The following NSD1 variants were observed in gnomAD, a reference collection of about 807,000 sequenced individuals.
NSD1 encodes the protein histone-lysine N-methyltransferase, H3 lysine-36 specific.
NSD1 carries 26 observed loss-of-function variants against 242.7 expected under a neutral mutation model. That is an observed-to-expected ratio of 0.11 (90% CI 0.08 to 0.15). The LOEUF is 0.15. NSD1 is among the 10% of genes least tolerant of loss of function. NSD1 has a pLI of 1.00. For missense variants in NSD1, 2,495 were observed against 3,272.8 expected, an observed-to-expected ratio of 0.76 and a Z score of 5.80; for synonymous variants, 1,106 against 1,178.1, an observed-to-expected ratio of 0.94 and a Z score of 1.25.
intron 2 of NSD1, among the ~76,000 whole-genome samples, chr5:177,154,726 C>T (rs1264376172): frequency 1.3e-5 from 2 of 152,052 alleles, no homozygotes; most frequent in African/African-American, 2.4e-5. Context: ...GACAGAGTCT[C>T]CCTCTGTCGC....
At chr5:177,226,128 C>G (rs1051706723) in intron 5 of NSD1, among the ~76,000 whole-genome samples, 9 of 152,138 alleles carry the variant, frequency 5.9e-5, no homozygotes, top group African/African-American at 1.9e-4. Context: ...CTCACTGCAA[C>G]CTTTGCCTCC....
At chr5:177,265,267 T>A in intron 14 of NSD1, 1 of 701,062 alleles carries the variant, frequency 1.4e-6, no homozygotes, top group Non-Finnish European at 2.5e-6. Flanking sequence ...ATAAAAGACC[T>A]CTGGACTGTT....
chr5:177,285,857 A>G (rs551104568), intron 20 of NSD1, among the ~76,000 whole-genome samples: 6 of 152,182 alleles, frequency 3.9e-5, no homozygotes, highest in South Asian at 2.1e-4. Context: ...AATTAGAATG[A>G]TATTTGTTCA....
intron 8 of NSD1, among the ~76,000 whole-genome samples, chr5:177,241,953 C>A (rs1375096950): frequency 2.0e-5 from 3 of 152,114 alleles, no homozygotes; most frequent in Non-Finnish European, 2.9e-5. Context: ...TAATGTATAT[C>A]CACACTAGAC....
At chr5:177,252,797 C>T (rs6879055) in intron 12 of NSD1, among the ~76,000 whole-genome samples, 124,040 of 144,532 alleles carry the variant, frequency 0.86, 53,604 homozygotes, top group Middle Eastern at 0.92. Flanking sequence ...CTCTCTCTCC[C>T]TTTTTTTTTT....
intron 4 of NSD1, 68 bp downstream of exon 4, chr5:177,204,360 T>A: frequency 4.2e-6 from 6 of 1,434,748 alleles, no homozygotes; most frequent in Non-Finnish European, 5.8e-6. Context: ...AAATGGCCTC[T>A]TATTTATTTT....
At chr5:177,137,870 G>A (rs764503654) in intron 2 of NSD1, among the ~76,000 whole-genome samples, 6 of 152,046 alleles carry the variant, frequency 3.9e-5, no homozygotes, top group Non-Finnish European at 5.9e-5. Flanking sequence ...GATCACCTGA[G>A]GTCAGGAGTT....
At chr5:177,246,585 G>A in intron 9 of NSD1, 93 bp from the exon 10 acceptor site, 1 of 853,066 alleles carries the variant, frequency 1.2e-6, no homozygotes, top group South Asian at 1.3e-5. Context: ...AATTAAATGA[G>A]TTTTAAGGTT....
intron 2 of NSD1, among the ~76,000 whole-genome samples, chr5:177,150,774 T>G (rs1757637670): frequency 6.6e-6 from 1 of 152,178 alleles, no homozygotes; most frequent in African/African-American, 2.4e-5. Context: ...AGGCTATATT[T>G]CCTGTGTTAT....
In NSD1 at chr5:177,298,889, T is replaced by G; in HGVS notation, c.*3430T>G. 4.3e-6 allele frequency: 1 copy of G among 233,184 alleles called. No homozygotes were observed. Among genetic ancestry groups the G allele is most frequent in the Non-Finnish European group, 8.5e-6 (1 of 117,970 alleles). 14.4% of individuals were successfully genotyped at this position (233,184 alleles called of 1,614,324 possible). A position where few individuals can be genotyped will look rare whatever the true frequency, so the allele number is the denominator to read the frequency against. The stretch of plus-strand genomic sequence containing the variant: ...GTGGATTTTACTAAGGTTTTTTAAA[T>G]GATACTGTCATCCTCTTGGGGTTTA... On this transcript the variant is annotated 3_prime_UTR_variant, in exon 23 of 23. Coordinates refer to ENST00000439151, the MANE Select transcript of NSD1 (RefSeq NM_022455.5).
upstream of NSD1, among the ~76,000 whole-genome samples, chr5:177,132,744 A>T (rs1755961778): frequency 6.9e-6 from 1 of 144,890 alleles, no homozygotes; most frequent in Non-Finnish European, 1.5e-5. This position sits in a 1 kb window ranked among gnomAD's most constrained non-coding sequence, Gnocchi z 7.5. Context: ...GGGGCGGGTA[A>T]CCCGACCCGG....
rs144192119 is a variant in NSD1 at position 177,281,401 on chromosome 5, A to G, written c.5892+567A>G. Among the ~76,000 whole-genome samples, 676 of 150,824 alleles carry G rather than the reference A, an allele frequency of 4.5e-3. 7 individuals are homozygous for G. Among genetic ancestry groups the G allele is most frequent in the African/African-American group, 0.016 (644 of 41,074 alleles). ...TTTCTGAAGAATTTTATTGGTTTCCAGGAAATGTAGTGTATATGGGTTGGC... is the reference window on the plus strand; with the variant it reads ...TTTCTGAAGAATTTTATTGGTTTCCGGGAAATGTAGTGTATATGGGTTGGC... On this transcript the variant is annotated intron_variant, in intron 18 of 22. Transcript: ENST00000439151.
intron 5 of NSD1, among the ~76,000 whole-genome samples, chr5:177,235,237 T>C (rs956615063): frequency 6.6e-6 from 1 of 152,222 alleles, no homozygotes; most frequent in East Asian, 1.9e-4. Flanking sequence ...TACACAAACT[T>C]TGTATAATGT....
At chr5:177,261,291 G>A (rs1756984037) in intron 14 of NSD1, among the ~76,000 whole-genome samples, 1 of 144,172 alleles carries the variant, frequency 6.9e-6, no homozygotes, top group Admixed American at 7.2e-5. Context: ...TGTTGGCCAG[G>A]CTGGTCTCTT....
At chr5:177,196,859 T>C (rs904127553) in intron 3 of NSD1, among the ~76,000 whole-genome samples, 2 of 152,192 alleles carry the variant, frequency 1.3e-5, no homozygotes, top group Admixed American at 6.5e-5. Context: ...CAGTAGTATG[T>C]ACTGGGGATA....
In NSD1 at chr5:177,178,052, G is replaced by A. The variant is rs138388484; in HGVS notation, c.928-13832G>A. Among the ~76,000 whole-genome samples the A allele has an allele frequency of 5.7e-3, 867 of 151,982 alleles. 11 individuals carry two copies. Among genetic ancestry groups the A allele is most frequent in the African/African-American group, 0.02 (822 of 41,456 alleles). On this transcript the variant is annotated intron_variant, in intron 2 of 22. Transcript: ENST00000439151. ...TGGAACTACAGGCATGCGCTGCCAC[G>A]CCTGGCTAATTTTTTTGTATTTTTA...
At chr5:177,291,015 C>T (rs1006743757) in intron 21 of NSD1, among the ~76,000 whole-genome samples, 3 of 152,134 alleles carry the variant, frequency 2.0e-5, no homozygotes, top group Admixed American at 6.5e-5. Context: ...AGATACTGGT[C>T]TGTCAGAATA....
intron 5 of NSD1, among the ~76,000 whole-genome samples, chr5:177,223,239 G>A (rs1232174159): frequency 4.6e-5 from 7 of 151,718 alleles, no homozygotes; most frequent in Admixed American, 2.6e-4. Context: ...GCGCCAGCAC[G>A]TCTGGCTAAT....
intron 2 of NSD1, among the ~76,000 whole-genome samples, chr5:177,182,572 A>T (rs142711590): frequency 3.4e-4 from 51 of 151,962 alleles, no homozygotes; most frequent in African/African-American, 1.2e-3. Flanking sequence ...AGCACCCCCA[A>T]CTAAGTCTGG....
Sources: gnomAD v4.1 joint callset for allele counts (sites outside exome capture counted in the v4.1 genomes callset) on GRCh38, gnomAD v4.1.1 for gene constraint, Gnocchi (gnomAD v3.1) non-coding constraint, MANE v1.5 for transcripts, NCBI Gene and HGNC (gene_info 2026-07-23, HGNC 2026-07-21) for gene names.